Variants in RTN1 observed in about 807,000 individuals in gnomAD.
RTN1 encodes reticulon-1.
Under a neutral mutation model 65.5 loss-of-function variants are expected in RTN1, and 25 were observed. The ratio of observed to expected loss-of-function variants is 0.38; its 90% CI spans 0.28 to 0.53. RTN1 has a LOEUF of 0.53. RTN1 is among the 20% of genes least tolerant of loss of function. The pLI is 0.79. For missense variants in RTN1, 983 were observed against 1,025.4 expected, an observed-to-expected ratio of 0.96 and a Z score of 0.57; for synonymous variants, 471 against 447.6, an observed-to-expected ratio of 1.05 and a Z score of -0.66.
chr14:59,731,734 G>A (rs774076822), intron 2 of RTN1, among the ~76,000 whole-genome samples: 1 of 152,084 alleles, frequency 6.6e-6, no homozygotes, highest in Non-Finnish European at 1.5e-5. Context: ...AACAGTATTT[G>A]ACACACTGTC....
At chr14:59,753,533 C>T (rs1451690453) in intron 1 of RTN1, among the ~76,000 whole-genome samples, 3 of 152,108 alleles carry the variant, frequency 2.0e-5, no homozygotes, top group East Asian at 1.9e-4. Flanking sequence ...CTAAAAAATC[C>T]TCAAGGTTCT....
intron 1 of RTN1, among the ~76,000 whole-genome samples, chr14:59,833,995 C>A (rs1887171254): frequency 6.6e-6 from 1 of 152,104 alleles, no homozygotes; most frequent in Non-Finnish European, 1.5e-5. Context: ...TTCTCAAGAG[C>A]ATATGGTGTT....
chr14:59,599,198 T>A (rs1333161686), intron 8 of RTN1, among the ~76,000 whole-genome samples: 2 of 152,196 alleles, frequency 1.3e-5, no homozygotes, highest in Non-Finnish European at 2.9e-5. Flanking sequence ...CCCTCTCTCA[T>A]CTATCCCTCG....
At chr14:59,681,027 G>A (rs543596157) in intron 3 of RTN1, among the ~76,000 whole-genome samples, 139 of 152,064 alleles carry the variant, frequency 9.1e-4, no homozygotes, top group African/African-American at 3.2e-3. Context: ...TTGAATTATG[G>A]ATTACAGTTA....
intron 1 of RTN1, among the ~76,000 whole-genome samples, chr14:59,776,991 C>T (rs1886064196): frequency 6.6e-6 from 1 of 152,158 alleles, no homozygotes; most frequent in South Asian, 2.1e-4. Context: ...AAATAATCCA[C>T]CTACCATCAC....
chr14:59,613,486 G>A (rs1882017726), intron 3 of RTN1, among the ~76,000 whole-genome samples: 1 of 152,086 alleles, frequency 6.6e-6, no homozygotes, highest in Non-Finnish European at 1.5e-5. Context: ...TTGTAGTAGA[G>A]ATGGGTTTTC....
chr14:59,686,032 C>T (rs191981038), intron 3 of RTN1, among the ~76,000 whole-genome samples: 44 of 152,274 alleles, frequency 2.9e-4, no homozygotes, highest in Middle Eastern at 3.4e-3. Flanking sequence ...TTATGGCCAA[C>T]CAATTTTTGA....
intron 3 of RTN1, among the ~76,000 whole-genome samples, chr14:59,620,135 C>G (rs1008405025): frequency 2.6e-5 from 4 of 151,716 alleles, no homozygotes; most frequent in African/African-American, 9.7e-5. Flanking sequence ...CAGTTGTTTT[C>G]AAAGAAGGAG....
intron 3 of RTN1, among the ~76,000 whole-genome samples, chr14:59,616,922 ACTT>A (rs756129384): frequency 2.6e-4 from 40 of 152,224 alleles, no homozygotes; most frequent in Non-Finnish European, 5.3e-4. Context: ...GCTATTTGCA[ACTT>A]CTAACAAGTG....
intron 3 of RTN1, among the ~76,000 whole-genome samples, chr14:59,690,638 T>C (rs1883941146): frequency 6.6e-6 from 1 of 152,174 alleles, no homozygotes; most frequent in Non-Finnish European, 1.5e-5. Flanking sequence ...ACAGGATATA[T>C]ATCGTTCTCA....
intron 3 of RTN1, among the ~76,000 whole-genome samples, chr14:59,709,933 A>T (rs577805581): frequency 6.6e-6 from 1 of 152,224 alleles, no homozygotes; most frequent in Non-Finnish European, 1.5e-5. Context: ...CATAAAAAAT[A>T]ACCATAGGGC....
chr14:59,619,730 G>A (rs1382414252), intron 3 of RTN1, among the ~76,000 whole-genome samples: 10 of 152,152 alleles, frequency 6.6e-5, no homozygotes, highest in East Asian at 1.9e-4. Context: ...CCACCTGCTA[G>A]AAAGGGCACC....
At chr14:59,682,536 G>T (rs1883767044) in intron 3 of RTN1, among the ~76,000 whole-genome samples, 2 of 152,086 alleles carry the variant, frequency 1.3e-5, no homozygotes, top group African/African-American at 4.8e-5. Flanking sequence ...GGCGAAAGTA[G>T]ATGCCTAATA....
At chr14:59,693,155 G>A (rs1883995115) in intron 3 of RTN1, among the ~76,000 whole-genome samples, 1 of 152,112 alleles carries the variant, frequency 6.6e-6, no homozygotes, top group African/African-American at 2.4e-5. Flanking sequence ...CCAGAGCTGT[G>A]AGAAATAAAT....
chr14:59,630,644 G>T (rs1041039697), intron 3 of RTN1: 3 of 1,314,208 alleles, frequency 2.3e-6, no homozygotes, highest in Non-Finnish European at 2.9e-6. Context: ...CAGGCGGCGC[G>T]CGGTGAGGGG....
At chr14:59,762,676 T>C (rs1364650452) in intron 1 of RTN1, among the ~76,000 whole-genome samples, 1 of 152,212 alleles carries the variant, frequency 6.6e-6, no homozygotes, top group African/African-American at 2.4e-5. Context: ...AGCAGTAAAG[T>C]AGAAAGAATC....
In RTN1 at chr14:59,870,016, A is replaced by G. The variant is rs1887866701; in HGVS notation, c.241+374T>C. Among the ~76,000 whole-genome samples the G allele has an allele frequency of 6.6e-6, 1 of 152,008 alleles. No homozygotes were observed. Among genetic ancestry groups the G allele is most frequent in the Non-Finnish European group, 1.5e-5 (1 of 67,984 alleles). ...ACACTGCGCGCAAACACGCCCCCCA[A>G]AATCCCCACAACCTGTCAAACGGGC... On this transcript the variant is annotated intron_variant, in intron 1 of 8. Transcript: ENST00000267484. The surrounding 1 kb of genome is among the most constrained non-coding windows in gnomAD (Gnocchi z 5.1).
rs529390808 is a variant in RTN1 at position 59,658,068 on chromosome 14, T to C, written c.1766-50576A>G. ...CTTCAGGTTGGTGGGGGGAGGGGCA[T>C]CCGCCATTACTGAGGCTTGAGTATG... On this transcript the variant is annotated intron_variant, in intron 3 of 8. Transcript: ENST00000267484. Among the ~76,000 whole-genome samples the C allele has an allele frequency of 6.8e-4, 104 of 152,266 alleles. 1 individual carries two copies. In the South Asian group the frequency reaches 0.017, roughly 26 times the overall value.
At chr14:59,760,124 C>T (rs1180657854) in intron 1 of RTN1, among the ~76,000 whole-genome samples, 1 of 152,068 alleles carries the variant, frequency 6.6e-6, no homozygotes, top group Non-Finnish European at 1.5e-5. Flanking sequence ...CCTAGCTAAA[C>T]AATGTATTGC....
Sources: gnomAD v4.1 joint callset for allele counts (sites outside exome capture counted in the v4.1 genomes callset) on GRCh38, gnomAD v4.1.1 for gene constraint, Gnocchi (gnomAD v3.1) non-coding constraint, MANE v1.5 for transcripts, NCBI Gene and HGNC (gene_info 2026-07-23, HGNC 2026-07-21) for gene names.